The following STAM2 variants were observed in gnomAD, a reference collection of about 807,000 sequenced individuals.
The protein encoded by STAM2 is signal transducing adapter molecule 2.
In STAM2, 51 loss-of-function variants were observed where a neutral mutation model predicts 65.6. The observed-to-expected ratio is 0.78, with a 90% confidence interval of 0.62 to 0.98. The LOEUF is 0.98. Among genes scored for constraint, STAM2 ranks in the 50% least tolerant of loss-of-function variants. STAM2 has a pLI of 0.00. For missense variants in STAM2, 584 were observed against 617.8 expected (o/e 0.95, Z 0.58); for synonymous variants, 198 against 208.4 (o/e 0.95, Z 0.43).
intron 12 of STAM2, among the ~76,000 whole-genome samples, chr2:152,125,732 C>T (rs1688952865): frequency 6.6e-6 from 1 of 152,146 alleles, no homozygotes; most frequent in Non-Finnish European, 1.5e-5. Flanking sequence ...AAAGCATACT[C>T]TAGAAGTTCA....
chr2:152,150,214 T>G lies in STAM2; in HGVS notation c.56A>C (p.Glu19Ala). The change falls in exon 2 of 14, where the codon GAG becomes GCG. Residue 19 changes from glutamate (E) to alanine (A), a missense_variant. By Grantham distance (107) the Glu-to-Ala change is moderately radical. Coordinates refer to ENST00000263904, the MANE Select transcript of STAM2 (RefSeq NM_005843.6). ...ACTCCAATCTTCTGTAGTGTTGTACTCATTCGTGGCTTTTTCTATAAAATA... is the reference window on the plus strand; with the variant it reads ...ACTCCAATCTTCTGTAGTGTTGTACGCATTCGTGGCTTTTTCTATAAAATA... Reference protein sequence around the residue: ...FEQDVEKATNEYNTTEDWSLI... With the variant: ...FEQDVEKATNAYNTTEDWSLI... The G allele has an allele frequency of 6.2e-7, 1 of 1,612,952 alleles. No individual in the cohort carries two copies. The highest frequency in any genetic ancestry group is 8.5e-7 in the Non-Finnish European group (1 of 1,179,210).
At position 152,123,899 on chromosome 2, in the gene STAM2, C is replaced by A; in HGVS notation, c.1216G>T (p.Gly406Cys). 6.2e-7 allele frequency: 1 copy of A among 1,613,988 alleles called. No individual in the cohort carries two copies. Among genetic ancestry groups the A allele is most frequent in the Non-Finnish European group, 8.5e-7 (1 of 1,179,982 alleles). ...PVQSHGGNYM[G>C]QSIHQVTVAQ... ...ACAGTTACTTGGTGAATGCTCTGAC[C>A]CATATAGTTTCCACCATGTGATTGA... The change falls in exon 13 of 14, where the codon GGT (glycine) becomes TGT (cysteine). Residue 406 changes from glycine (G) to cysteine (C), a missense_variant. Coordinates refer to ENST00000263904, the MANE Select transcript of STAM2 (RefSeq NM_005843.6).
At chr2:152,128,301 G>GGAGGCT (rs1368239823) in intron 11 of STAM2, among the ~76,000 whole-genome samples, 1 of 152,018 alleles carries the variant, frequency 6.6e-6, no homozygotes, top group South Asian at 2.1e-4. Context: ...CAGCTACACG[G>GGAGGCT]GAGGCTGAGG....
At chr2:152,155,181 C>G (rs187664989) in intron 1 of STAM2, among the ~76,000 whole-genome samples, 1 of 152,070 alleles carries the variant, frequency 6.6e-6, no homozygotes, top group African/African-American at 2.4e-5. Flanking sequence ...ATTTAGGGCA[C>G]GAAGTAGGTG....
rs142458697 is a variant in STAM2 at position 152,141,545 on chromosome 2, T to C, written c.704+2282A>G. Among the ~76,000 whole-genome samples the C allele has an allele frequency of 4.0e-5, 6 of 151,426 alleles. No homozygotes were observed. In the East Asian group the frequency reaches 1.2e-3, roughly 30 times the overall value. ...CAAGACTCTGTCTCAAATAAATAAA[T>C]AAGAAATGTGCACCTTTTCTATCAG... On this transcript the variant is annotated intron_variant, in intron 7 of 13. Transcript: ENST00000263904.
rs1579332774 is a variant in STAM2 at position 152,161,078 on chromosome 2, T to C, written c.41-10849A>G. ...AAGGGGGGGAAAGGTGGGGAAAAGA[T>C]TGAGAAATCGGATGGTTGCCGTGTC... On this transcript the variant is annotated intron_variant, in intron 1 of 13. Coordinates refer to ENST00000263904, the MANE Select transcript of STAM2 (RefSeq NM_005843.6). Among the ~76,000 whole-genome samples, 4 of 152,222 alleles carry C rather than the reference T, an allele frequency of 2.6e-5. No individual in the cohort carries two copies. The East Asian group carries it at 5.8e-4, about 22-fold the overall frequency.
rs1689095900 is a variant in STAM2, at chr2:152,133,270, T to A, written c.883-10A>T. The stretch of plus-strand genomic sequence containing the variant: ...CTCTATCCATCTTATCCTAAAAAAG[T>A]AACAGGACACTTTTCAAAAACTCAA... On this transcript the variant is annotated splice_polypyrimidine_tract_variant and intron_variant, in intron 9 of 13. Transcript: ENST00000263904. 1.3e-6 allele frequency: 2 copies of A among 1,596,078 alleles called. No individual in the cohort carries two copies. The highest frequency in any genetic ancestry group is 4.5e-5 in the East Asian group (2 of 44,698).
Position 152,143,965 on chromosome 2 carries a change from T to G in STAM2, c.566A>C (p.Lys189Thr), listed in dbSNP as rs752450712. 5.0e-6 allele frequency: 8 copies of G among 1,613,618 alleles called. No homozygotes were observed. The highest frequency in any genetic ancestry group is 1.7e-4 in the Middle Eastern group (1 of 6,030). Residue 189 changes from lysine to threonine, a missense_variant, in exon 7 of 14, where the codon AAA becomes ACA. By Grantham distance (78) the Lys-to-Thr change is moderately conservative. Transcript: ENST00000263904. ...AATTTCTGAAGATGGATATAAGGATTTTGTTTCTGTGTGTTGCTGTTTCTG... is the reference window on the plus strand; with the variant it reads ...AATTTCTGAAGATGGATATAAGGATGTTGTTTCTGTGTGTTGCTGTTTCTG... ...QEQKQQHTET[K>T]SLYPSSEIQL...
At chr2:152,164,705 G>A (rs1318692999) in intron 1 of STAM2, among the ~76,000 whole-genome samples, 1 of 152,088 alleles carries the variant, frequency 6.6e-6, no homozygotes, top group Admixed American at 6.6e-5. Context: ...TCCTCTGATG[G>A]AATACAGATC....
intron 1 of STAM2, among the ~76,000 whole-genome samples, chr2:152,162,715 C>T (rs1443768437): frequency 6.6e-6 from 1 of 152,184 alleles, no homozygotes; most frequent in African/African-American, 2.4e-5. Flanking sequence ...GATCTTGGCT[C>T]ACTGCAACCT....
intron 1 of STAM2, among the ~76,000 whole-genome samples, chr2:152,154,280 A>G (rs1689500994): frequency 6.6e-6 from 1 of 152,140 alleles, no homozygotes; most frequent in Non-Finnish European, 1.5e-5. Flanking sequence ...TTACTCTCAA[A>G]CTTACCAATC....
chr2:152,166,564 T>G (rs1033664878), intron 1 of STAM2, among the ~76,000 whole-genome samples: 2 of 152,090 alleles, frequency 1.3e-5, no homozygotes, highest in Non-Finnish European at 2.9e-5. Context: ...CAATGGCCAT[T>G]CCCAGATATC....
chr2:152,175,675 C>CT lies in STAM2; in HGVS notation c.-34dup. The CT allele has an allele frequency of 1.3e-6, 2 of 1,597,892 alleles. No homozygotes were observed. The highest frequency in any genetic ancestry group is 1.7e-6 in the Non-Finnish European group (2 of 1,172,834). ...GCGCCCGAGCCCTAGTCGCTGCTGT[C>CT]TAGCTGACACTCAGCAACTGCTACC... is the stretch of plus-strand genomic sequence containing the variant. On this transcript the variant is annotated 5_prime_UTR_variant, in exon 1 of 14. Transcript: ENST00000263904.
At chr2:152,175,304 T>C (rs1689993186) in intron 1 of STAM2, among the ~76,000 whole-genome samples, 1 of 152,206 alleles carries the variant, frequency 6.6e-6, no homozygotes, top group Non-Finnish European at 1.5e-5. Context: ...ACTCCACAAC[T>C]ACTTAATCAG....
At chr2:152,145,028 G>A in intron 5 of STAM2, 71 bp from the exon 6 acceptor site, 1 of 1,218,318 alleles carries the variant, frequency 8.2e-7, no homozygotes, top group East Asian at 2.3e-5. Flanking sequence ...ATTACTTGCA[G>A]ATGGTAAATT....
intron 8 of STAM2, among the ~76,000 whole-genome samples, chr2:152,134,504 A>C (rs571763969): frequency 6.6e-6 from 1 of 152,330 alleles, no homozygotes; most frequent in African/African-American, 2.4e-5. Context: ...TTCTGAATGT[A>C]TCACTCTACA....
At chr2:152,174,106 A>T (rs1389146302) in intron 1 of STAM2, among the ~76,000 whole-genome samples, 1 of 152,200 alleles carries the variant, frequency 6.6e-6, no homozygotes, top group Non-Finnish European at 1.5e-5. Flanking sequence ...TTTAGAACAG[A>T]ACAGACAGAG....
At chr2:152,145,204 G>A (rs975712489) in intron 5 of STAM2, among the ~76,000 whole-genome samples, 8 of 152,192 alleles carry the variant, frequency 5.3e-5, no homozygotes, top group South Asian at 2.1e-4. Flanking sequence ...CTGGGAAGCC[G>A]GAACTAGAGG....
intron 1 of STAM2, among the ~76,000 whole-genome samples, chr2:152,164,302 C>T (rs1579335051): frequency 6.6e-6 from 1 of 151,802 alleles, no homozygotes; most frequent in Admixed American, 6.6e-5. Context: ...ATTCAACTCT[C>T]GTTTACAAGC....
Sources: allele counts gnomAD v4.1 joint callset (sites outside exome capture counted in the v4.1 genomes callset), GRCh38; gene constraint gnomAD v4.1.1; transcripts MANE v1.5; gene names NCBI Gene and HGNC (gene_info 2026-07-23, HGNC 2026-07-21).